CEACAM16: variants seen among roughly 807,000 people sequenced by gnomAD.
CEACAM16 encodes CEA cell adhesion molecule 16, tectorial membrane component, also known as cell adhesion molecule CEACAM16.
A neutral mutation model predicts 39.4 loss-of-function variants in CEACAM16; 30 were observed. That is an observed-to-expected ratio of 0.76 (90% CI 0.57 to 1.03). The LOEUF (loss-of-function observed/expected upper bound fraction) is 1.03, where lower values mean the gene tolerates loss of function less well. CEACAM16 is among the 50% of genes least tolerant of loss of function. The probability of loss-of-function intolerance (pLI) is 0.00; values close to 1 mark genes in which losing one functional copy is unlikely to be tolerated. For synonymous variants in CEACAM16, 262 were observed against 264.9 expected (o/e 0.99, Z 0.11); for missense variants, 521 against 585.3 (o/e 0.89, Z 1.13).
Position 44,707,998 on chromosome 19 carries a change from C to A in CEACAM16, c.1078C>A (p.Arg360=), listed in dbSNP as rs775779503. The change falls in exon 6 of 7, where the codon CGG becomes AGG. Residue 360 remains arginine, a synonymous_variant. Coordinates refer to ENST00000587331, the MANE Select transcript of CEACAM16 (RefSeq NM_001039213.4). ...CCGCGGGCCTGCCTCCGAGCCCAAC[C>A]GGCTGCTCAGCCAGCTGCCGTCAGG... is the stretch of plus-strand genomic sequence containing the variant. ...WYRGPASEPN[R]LLSQLPSGTW... The A allele has an allele frequency of 4.4e-6, 7 of 1,608,704 alleles. No homozygotes were observed. The African/African-American group carries it at 8.0e-5, about 18-fold the overall frequency.
chr19:44,703,422 C>T lies in CEACAM16; in HGVS notation c.111C>T (p.Val37=), dbSNP rs1974382287. ...CCCAGCCGAGCGAAGGGGACAACGT[C>T]ACGCTGGTCGTCCATGGGCTTTCGG... The part of the protein sequence containing the change: ...EPAQPSEGDN[V]TLVVHGLSGE... The change falls in exon 3 of 7, where the codon GTC becomes GTT. Residue 37 remains valine (V), a synonymous_variant. Coordinates refer to ENST00000587331, the MANE Select transcript of CEACAM16 (RefSeq NM_001039213.4). The T allele has an allele frequency of 2.5e-6, 4 of 1,613,748 alleles. No individual in the cohort carries two copies. The highest frequency in any genetic ancestry group is 1.6e-4 in the Middle Eastern group (1 of 6,080).
rs764367010 is a variant in CEACAM16 at position 44,704,213 on chromosome 19, G to A, written c.578G>A (p.Arg193Gln). The change falls in exon 4 of 7, where the codon CGG (arginine) becomes CAG (glutamine). Residue 193 changes from arginine to glutamine, a missense_variant. Arg to Gln is a conservative substitution (Grantham distance 43). Transcript: ENST00000587331. ...GRVLARHGIRREEAGAYQCEV... is the reference protein window; with the variant it reads ...GRVLARHGIRQEEAGAYQCEV... ...GTGCTGGCCAGGCATGGCATCCGCC[G>A]GGAGGAGGCCGGCGCCTATCAGTGT... The A allele has an allele frequency of 4.5e-5, 70 of 1,554,346 alleles. No individual in the cohort carries two copies. The highest frequency in any genetic ancestry group is 5.7e-5 in the Non-Finnish European group (65 of 1,149,378).
At position 44,703,638 on chromosome 19, in the gene CEACAM16, G is replaced by GGTGC; in HGVS notation, c.327_328insGTGC (p.Thr110ValfsTer20). ...GGCACTCAGGCACCTACATCCTGCA[G>GGTGC]ACCTTCAACAGGCAGTTGCAGACCG... On this transcript the variant is annotated frameshift_variant, in exon 3 of 7. Coordinates refer to ENST00000587331, the MANE Select transcript of CEACAM16 (RefSeq NM_001039213.4). LOFTEE classifies it high-confidence loss of function. 6.2e-7 allele frequency: 1 copy of GGTGC among 1,601,732 alleles called. No individual in the cohort carries two copies. Among genetic ancestry groups the GGTGC allele is most frequent in the Non-Finnish European group, 8.5e-7 (1 of 1,172,358 alleles).
rs372982249 is a variant in CEACAM16 at position 44,705,711 on chromosome 19, G to C, written c.783G>C (p.Glu261Asp). 2.0e-5 allele frequency: 33 copies of C among 1,613,874 alleles called. No individual in the cohort carries two copies. The highest frequency in any genetic ancestry group is 2.8e-5 in the Non-Finnish European group (33 of 1,179,880). ...TGTCCAGGTCCTGCCCAGAGCCCGA[G>C]TATGTGTGGACCTTCAACGGGCAGG... ...WCVSRSCPEP[E>D]YVWTFNGQAL... Residue 261 changes from glutamate (E) to aspartate (D), a missense_variant, in exon 5 of 7, where the codon GAG (glutamate) becomes GAC (aspartate). Transcript: ENST00000587331.
Position 44,705,696 on chromosome 19 carries a change from C to G in CEACAM16, c.768C>G (p.Ser256=). Residue 256 remains serine (S), a synonymous_variant, in exon 5 of 7, where the codon TCC becomes TCG. Coordinates refer to ENST00000587331, the MANE Select transcript of CEACAM16 (RefSeq NM_001039213.4). ...TCACCCTGTGGTGCGTGTCCAGGTC[C>G]TGCCCAGAGCCCGAGTATGTGTGGA... ...TSLTLWCVSR[S]CPEPEYVWTF... The G allele has an allele frequency of 6.2e-7, 1 of 1,613,972 alleles. No homozygotes were observed. Among genetic ancestry groups the G allele is most frequent in the Non-Finnish European group, 8.5e-7 (1 of 1,179,850 alleles).
chr19:44,705,867 T>C lies in CEACAM16; in HGVS notation c.939T>C (p.Ser313=), dbSNP rs1208359182. 1.2e-6 allele frequency: 2 copies of C among 1,609,554 alleles called. No homozygotes were observed. ...SGSASVVVKL[S]AAAVATMIVP... is the part of the protein sequence containing the mutation. The stretch of plus-strand genomic sequence containing the variant: ...CTGCCTCAGTCGTGGTCAAGCTCTC[T>C]GGTGAGTCACCCCCAGCCTGACCAC... The change falls in exon 5 of 7, where the codon TCT becomes TCC. Residue 313 remains serine, a splice_region_variant and synonymous_variant. Coordinates refer to ENST00000587331, the MANE Select transcript of CEACAM16 (RefSeq NM_001039213.4).
At chr19:44,704,716 C>T (rs1352034365) in intron 4 of CEACAM16, among the ~76,000 whole-genome samples, 1 of 150,812 alleles carries the variant, frequency 6.6e-6, no homozygotes, top group South Asian at 2.1e-4. Context: ...CCAGCCTGGG[C>T]GACAGAGCAA....
chr19:44,704,355 C>A, intron 4 of CEACAM16, 59 bp downstream of exon 4: 1 of 1,438,672 alleles, frequency 7.0e-7, no homozygotes, highest in Non-Finnish European at 9.1e-7. Flanking sequence ...GATGGGGAAA[C>A]TGAGGCCAGG....
In CEACAM16 at chr19:44,701,318, T is replaced by C. The variant is rs1466237188; in HGVS notation, c.-96-43T>C. 1.1e-6 allele frequency: 1 copy of C among 937,700 alleles called. No individual in the cohort carries two copies. The allele number at this position is 937,700 out of a possible 1,614,324, so 58.1% of individuals were successfully genotyped here. ...TCCTTGGTGACTCGATCCCTCCAAA[T>C]TCAGGTGATCTCCCCTGGCTCCAAA... On this transcript the variant is annotated intron_variant, in intron 1 of 6. Transcript: ENST00000587331. This position sits in a 1 kb window ranked among gnomAD's most constrained non-coding sequence, Gnocchi z 4.0.
chr19:44,699,485 T>C (rs1207551914), intron 1 of CEACAM16: 1 of 457,010 alleles, frequency 2.2e-6, no homozygotes, highest in African/African-American at 2.0e-5. Flanking sequence ...CAAGCAATTC[T>C]CCTGCTTCAG....
intron 6 of CEACAM16, 136 bp downstream of exon 6, chr19:44,708,323 G>T: frequency 1.1e-6 from 1 of 925,122 alleles, no homozygotes. Flanking sequence ...GAAGGAAGCA[G>T]CCTTGTCTCC....
rs1378319066 is a variant in CEACAM16 at position 44,704,057 on chromosome 19, C to T, written c.422C>T (p.Ala141Val). ...CCCACAGTCTTGGCCAACAGCACAG[C>T]GCTGGTGGAACGTCGAGACACCCTG... ...AQPTVLANSTALVERRDTLRL... is the reference protein window; with the variant it reads ...AQPTVLANSTVLVERRDTLRL... Residue 141 changes from alanine to valine, a missense_variant, in exon 4 of 7, where the codon GCG becomes GTG. Physicochemically the swap from Ala to Val is moderately conservative, Grantham distance 64 (BLOSUM62 0). Transcript: ENST00000587331. 4.3e-6 allele frequency: 7 copies of T among 1,610,272 alleles called. No homozygotes were observed. The highest frequency in any genetic ancestry group is 4.5e-5 in the East Asian group (2 of 44,780).
chr19:44,705,569 A>G (rs1475867758), intron 4 of CEACAM16, 21 bp from the exon 5 acceptor site: 1 of 1,574,882 alleles, frequency 6.3e-7, no homozygotes, highest in African/African-American at 1.3e-5. Flanking sequence ...TGCCCCATCT[A>G]TCTCCCTCCT....
chr19:44,702,732 G>A (rs1157970277), intron 2 of CEACAM16, among the ~76,000 whole-genome samples: 10 of 152,274 alleles, frequency 6.6e-5, no homozygotes, highest in Admixed American at 6.5e-4. Context: ...GGCAGGCCCT[G>A]ACATCCTACG....
At position 44,707,851 on chromosome 19, in the gene CEACAM16, C is replaced by G; in HGVS notation, c.941-10C>G. 6.6e-7 allele frequency: 1 copy of G among 1,523,096 alleles called. No homozygotes were observed. Among genetic ancestry groups the G allele is most frequent in the South Asian group, 1.3e-5 (1 of 77,158 alleles). The allele number at this position is 1,523,096 out of a possible 1,614,324, so 94.3% of individuals were successfully genotyped here. ...ACCAAACTGACCCAGCCCGCTCGCT[C>G]TCTCCCCAGCTGCAGCAGTTGCCAC... is the stretch of plus-strand genomic sequence containing the variant. On this transcript the variant is annotated splice_polypyrimidine_tract_variant and intron_variant, in intron 5 of 6. Coordinates refer to ENST00000587331, the MANE Select transcript of CEACAM16 (RefSeq NM_001039213.4).
chr19:44,703,353 A>G lies in CEACAM16; in HGVS notation c.42A>G (p.Thr14=). The change falls in exon 3 of 7, where the codon ACA becomes ACG. Residue 14 remains threonine (T), a synonymous_variant. Coordinates refer to ENST00000587331, the MANE Select transcript of CEACAM16 (RefSeq NM_001039213.4). ...TGYSWLLLSA[T]FLNVGAEISI... ...CCTCTGACTCCTCTTCCTCAGCCAC[A>G]TTCCTGAATGTGGGGGCCGAGATCT... is the stretch of plus-strand genomic sequence containing the variant. 1 of 1,608,394 alleles carries G rather than the reference A, an allele frequency of 6.2e-7. No homozygotes were observed. Among genetic ancestry groups the G allele is most frequent in the Non-Finnish European group, 8.5e-7 (1 of 1,175,712 alleles).
rs1280737427 is a variant in CEACAM16 at position 44,710,704 on chromosome 19, G to A, written c.*198G>A. 3.0e-5 allele frequency: 19 copies of A among 633,280 alleles called. No individual in the cohort carries two copies. The highest frequency in any genetic ancestry group is 1.1e-4 in the African/African-American group (6 of 54,440). 39.2% of individuals were successfully genotyped at this position (633,280 alleles called of 1,614,324 possible). On this transcript the variant is annotated 3_prime_UTR_variant, in exon 7 of 7. Coordinates refer to ENST00000587331, the MANE Select transcript of CEACAM16 (RefSeq NM_001039213.4). ...TTGGGGAGCCACCGAGGCCATAAAC[G>A]TCCTGGTTAATGCACACGTGTGTCA...
chr19:44,704,757 A>AAC, intron 4 of CEACAM16, among the ~76,000 whole-genome samples: 1 of 87,622 alleles, frequency 1.1e-5, no homozygotes. Flanking sequence ...ACAAACAAAA[A>AAC]AAAACAACAA....
rs1433593219 is a variant in CEACAM16, at chr19:44,703,566, G to A, written c.255G>A (p.Glu85=). 2 of 1,611,862 alleles carry A rather than the reference G, an allele frequency of 1.2e-6. No individual in the cohort carries two copies. Among genetic ancestry groups the A allele is most frequent in the Admixed American group, 3.3e-5 (2 of 59,802 alleles). The part of the protein sequence containing the change: ...ETPGPAHTGR[E]AVRPDGSLDI... The stretch of plus-strand genomic sequence containing the variant: ...CTGGCCCGGCCCACACGGGGCGGGA[G>A]GCTGTGCGCCCCGATGGCAGCCTGG... Residue 85 remains glutamate, a synonymous_variant, in exon 3 of 7, where the codon GAG becomes GAA. Coordinates refer to ENST00000587331, the MANE Select transcript of CEACAM16 (RefSeq NM_001039213.4).
Sources: allele counts gnomAD v4.1 joint callset (sites outside exome capture counted in the v4.1 genomes callset), GRCh38; gene constraint gnomAD v4.1.1; non-coding constraint Gnocchi (gnomAD v3.1); transcripts MANE v1.5; gene names NCBI Gene and HGNC (gene_info 2026-07-23, HGNC 2026-07-21).